The following EYS variants were observed in gnomAD, a reference collection of about 807,000 sequenced individuals.
EYS encodes the protein EGF-like photoreceptor maintenance factor.
A neutral mutation model predicts 282.1 loss-of-function variants in EYS; 250 were observed. That is an observed-to-expected ratio of 0.89 (90% CI 0.80 to 0.98). EYS has a LOEUF of 0.98. EYS is among the 50% of genes least tolerant of loss of function. The pLI, the probability that EYS is intolerant of heterozygous loss-of-function variation, is 0.00. For missense variants in EYS, 4,016 were observed against 3,709.0 expected (o/e 1.08, Z -2.15); for synonymous variants, 1,355 against 1,282.9 (o/e 1.06, Z -1.20).
At chr6:65,349,525 G>T (rs575988050) in intron 9 of EYS, among the ~76,000 whole-genome samples, 11 of 151,542 alleles carry the variant, frequency 7.3e-5, no homozygotes, top group African/African-American at 2.4e-4. Context: ...GTTTACAGAT[G>T]AAACTGTATG....
At chr6:64,759,452 C>T (rs1295611022) in intron 22 of EYS, among the ~76,000 whole-genome samples, 1 of 151,980 alleles carries the variant, frequency 6.6e-6, no homozygotes, top group Non-Finnish European at 1.5e-5. Context: ...GCCTACTGTT[C>T]TAATGAAAAT....
rs192725747 is a variant in EYS, at chr6:64,242,827, A to T, written c.6192-12003T>A. Among the ~76,000 whole-genome samples, 890 of 147,330 alleles carry T rather than the reference A, an allele frequency of 6.0e-3. 7 individuals are homozygous for T. Among genetic ancestry groups the T allele is most frequent in the African/African-American group, 0.021 (851 of 40,716 alleles). On this transcript the variant is annotated intron_variant, in intron 30 of 42. Coordinates refer to ENST00000503581, the MANE Select transcript of EYS (RefSeq NM_001142800.2). The stretch of plus-strand genomic sequence containing the variant: ...TCAAAATGCAGTTCAAGTTTTTAAT[A>T]TATATAATATAAATATATAAAAATT...
chr6:65,324,027 C>T (rs1769549534), intron 11 of EYS, among the ~76,000 whole-genome samples: 1 of 152,140 alleles, frequency 6.6e-6, no homozygotes, highest in Non-Finnish European at 1.5e-5. Flanking sequence ...TGACATGTTC[C>T]TACCTCAGGG....
intron 29 of EYS, among the ~76,000 whole-genome samples, chr6:64,359,932 A>C (rs612134): frequency 0.72 from 108,591 of 151,372 alleles, 39,157 homozygotes; most frequent in African/African-American, 0.79. Context: ...TAAAGCAAGT[A>C]TCATCTCTTT....
chr6:64,484,081 A>T (rs1378292796), intron 26 of EYS, among the ~76,000 whole-genome samples: 1 of 151,648 alleles, frequency 6.6e-6, no homozygotes, highest in Non-Finnish European at 1.5e-5. Context: ...ATGTGTCTTT[A>T]GACTGAGTGA....
chr6:64,333,940 A>G (rs1002260444), intron 29 of EYS, among the ~76,000 whole-genome samples: 2 of 152,160 alleles, frequency 1.3e-5, no homozygotes, highest in Non-Finnish European at 2.9e-5. Context: ...CCGCAAGACA[A>G]TTTTACCTTG....
At chr6:64,909,305 A>T (rs1449882350) in intron 16 of EYS, among the ~76,000 whole-genome samples, 2 of 152,180 alleles carry the variant, frequency 1.3e-5, no homozygotes, top group Non-Finnish European at 2.9e-5. Context: ...GAGGCAAAAA[A>T]AGTTGGTTAC....
At chr6:64,571,289 G>A (rs1408604827) in intron 26 of EYS, among the ~76,000 whole-genome samples, 2 of 152,148 alleles carry the variant, frequency 1.3e-5, no homozygotes, top group African/African-American at 4.8e-5. Context: ...TGTTTAGAGG[G>A]AAATTTATAC....
intron 26 of EYS, among the ~76,000 whole-genome samples, chr6:64,504,083 T>C: frequency 6.6e-6 from 1 of 152,296 alleles, no homozygotes; most frequent in South Asian, 2.1e-4. Context: ...CTTCATAAAT[T>C]ACACAGTCTC....
At chr6:64,391,276 G>A (rs1345597596) in intron 28 of EYS, among the ~76,000 whole-genome samples, 1 of 151,462 alleles carries the variant, frequency 6.6e-6, no homozygotes, top group Non-Finnish European at 1.5e-5. Flanking sequence ...TACAGAGAAC[G>A]CCACAAAGAT....
intron 26 of EYS, among the ~76,000 whole-genome samples, chr6:64,577,681 C>T (rs1178020473): frequency 6.6e-6 from 1 of 152,006 alleles, no homozygotes; most frequent in East Asian, 1.9e-4. Flanking sequence ...ATTTTAGAAT[C>T]AACACGACTT....
chr6:64,387,702 T>A (rs145491544), intron 29 of EYS, among the ~76,000 whole-genome samples: 2,401 of 152,224 alleles, frequency 0.016, 47 homozygotes, highest in Non-Finnish European at 0.02. Flanking sequence ...ATTAATGTTA[T>A]AGAAAAAGTC....
intron 2 of EYS, among the ~76,000 whole-genome samples, chr6:65,639,447 T>TA (rs1473267580): frequency 6.6e-6 from 1 of 152,134 alleles, no homozygotes; most frequent in African/African-American, 2.4e-5. Flanking sequence ...GAGATGCATT[T>TA]AATAATGGAT....
chr6:65,645,142 A>G (rs1380359879), intron 1 of EYS, among the ~76,000 whole-genome samples: 1 of 141,970 alleles, frequency 7.0e-6, no homozygotes, highest in African/African-American at 2.9e-5. Context: ...TACAAAGTCA[A>G]CAAAGAAACA....
intron 28 of EYS, among the ~76,000 whole-genome samples, chr6:64,407,289 G>A (rs1382876804): frequency 6.6e-6 from 1 of 151,756 alleles, no homozygotes; most frequent in Non-Finnish European, 1.5e-5. Context: ...CACACACTGG[G>A]GCCTGTCATG....
At chr6:65,605,756 C>T (rs1337535657) in intron 2 of EYS, among the ~76,000 whole-genome samples, 1 of 151,622 alleles carries the variant, frequency 6.6e-6, no homozygotes, top group Non-Finnish European at 1.5e-5. Flanking sequence ...GATAGCCACA[C>T]TTTTTTGAGT....
intron 28 of EYS, among the ~76,000 whole-genome samples, chr6:64,426,990 TA>T (rs910843546): frequency 2.6e-4 from 40 of 151,558 alleles, no homozygotes; most frequent in Admixed American, 1.4e-3. Context: ...AAGCTTTTTC[TA>T]AAAAAAAACT....
Position 64,973,059 on chromosome 6 carries a change from G to A in EYS, c.2259+24523C>T, listed in dbSNP as rs551677951. Among the ~76,000 whole-genome samples the A allele has an allele frequency of 4.6e-5, 7 of 151,864 alleles. No homozygotes were observed. The South Asian group carries it at 1.2e-3, about 27-fold the overall frequency. ...TAAAATATAATTTATAATAAATATG[G>A]ATCTGACTTCACTATTATTTTGTAC... On this transcript the variant is annotated intron_variant, in intron 14 of 42. Transcript: ENST00000503581.
chr6:64,627,371 T>C (rs2149857872), intron 22 of EYS, among the ~76,000 whole-genome samples: 1 of 152,214 alleles, frequency 6.6e-6, no homozygotes, highest in South Asian at 2.1e-4. Context: ...TTGCAAGTAG[T>C]TTTGAAGGCT....
Sources: gnomAD v4.1 joint callset for allele counts (sites outside exome capture counted in the v4.1 genomes callset) on GRCh38, gnomAD v4.1.1 for gene constraint, MANE v1.5 for transcripts, NCBI Gene and HGNC (gene_info 2026-07-23, HGNC 2026-07-21) for gene names.